Variants in AUTS2 observed in about 807,000 individuals in gnomAD.
The protein encoded by AUTS2 is activator of transcription and developmental regulator AUTS2, also known as autism susceptibility gene 2 protein.
Under a neutral mutation model 112.4 loss-of-function variants are expected in AUTS2, and 17 were observed. The ratio of observed to expected loss-of-function variants is 0.15; its 90% CI spans 0.10 to 0.23. The LOEUF is 0.23. Among genes scored for constraint, AUTS2 ranks in the 10% least tolerant of loss-of-function variants. AUTS2 has a pLI of 1.00. For missense variants in AUTS2, 1,510 were observed against 1,701.6 expected (o/e 0.89, Z 1.98); for synonymous variants, 751 against 702.7 (o/e 1.07, Z -1.09).
intron 5 of AUTS2, among the ~76,000 whole-genome samples, chr7:70,628,329 C>CAT (rs1238208779): frequency 2.1e-4 from 5 of 23,304 alleles, no homozygotes; most frequent in East Asian, 6.5e-4. Flanking sequence ...TATATATATA[C>CAT]ATATATATAT....
chr7:70,279,094 G>A (rs1003287187), intron 4 of AUTS2, among the ~76,000 whole-genome samples: 10 of 151,996 alleles, frequency 6.6e-5, no homozygotes, highest in African/African-American at 2.2e-4. Flanking sequence ...TATACCTTTG[G>A]GTGGGCCTCT....
intron 5 of AUTS2, among the ~76,000 whole-genome samples, chr7:70,669,329 T>C (rs1807515233): frequency 6.6e-6 from 1 of 152,214 alleles, no homozygotes; most frequent in South Asian, 2.1e-4. Flanking sequence ...AACAGAACCC[T>C]GATTTTAATT....
chr7:70,623,523 C>T (rs558070014), intron 5 of AUTS2, among the ~76,000 whole-genome samples: 1 of 152,164 alleles, frequency 6.6e-6, no homozygotes, highest in Non-Finnish European at 1.5e-5. Context: ...ACACACTAGC[C>T]AGTTTCAAGA....
intron 4 of AUTS2, among the ~76,000 whole-genome samples, chr7:70,234,799 T>A (rs1016466389): frequency 2.6e-5 from 4 of 152,114 alleles, no homozygotes; most frequent in African/African-American, 9.7e-5. Flanking sequence ...CTTTACTGCT[T>A]GTCCTGGGAT....
intron 4 of AUTS2, among the ~76,000 whole-genome samples, chr7:70,315,315 A>G (rs749205509): frequency 6.6e-6 from 1 of 152,222 alleles, no homozygotes; most frequent in Non-Finnish European, 1.5e-5. Context: ...AACAGCATGG[A>G]TATGAGGAAC....
intron 5 of AUTS2, among the ~76,000 whole-genome samples, chr7:70,485,200 G>T (rs1797936714): frequency 6.6e-6 from 1 of 152,146 alleles, no homozygotes; most frequent in African/African-American, 2.4e-5. Flanking sequence ...CAGTAGCACA[G>T]TTCACAATTG....
chr7:70,649,672 G>GAT (rs1806386965), intron 5 of AUTS2, among the ~76,000 whole-genome samples: 1 of 152,066 alleles, frequency 6.6e-6, no homozygotes, highest in Non-Finnish European at 1.5e-5. Flanking sequence ...AGGATTACAG[G>GAT]TGCCCACCAC....
At chr7:70,644,989 A>C (rs1806071176) in intron 5 of AUTS2, among the ~76,000 whole-genome samples, 1 of 152,220 alleles carries the variant, frequency 6.6e-6, no homozygotes, top group East Asian at 1.9e-4. Context: ...GAGAAAGGAA[A>C]GGCCATGGCC....
chr7:69,808,144 T>A (rs1296064172), intron 1 of AUTS2, among the ~76,000 whole-genome samples: 1 of 152,126 alleles, frequency 6.6e-6, no homozygotes, highest in African/African-American at 2.4e-5. Flanking sequence ...TTCAGACTCA[T>A]CTTGAACTCC....
At chr7:70,021,491 T>A (rs1201519685) in intron 2 of AUTS2, among the ~76,000 whole-genome samples, 1 of 152,204 alleles carries the variant, frequency 6.6e-6, no homozygotes, top group Non-Finnish European at 1.5e-5. Flanking sequence ...CTATTCCAGA[T>A]GGGGCATCCT....
At chr7:69,902,073 T>G (rs79266633) in intron 2 of AUTS2, among the ~76,000 whole-genome samples, 131 of 150,578 alleles carry the variant, frequency 8.7e-4, no homozygotes, top group African/African-American at 3.1e-3. Flanking sequence ...ATTTTTAATG[T>G]TTTTTTTTCT....
chr7:69,673,469 C>T lies in AUTS2; in HGVS notation c.309+73507C>T, dbSNP rs565525802. 5.5e-4 allele frequency among the ~76,000 whole-genome samples: 83 copies of T among 152,250 alleles called. 1 individual carries two copies. Among genetic ancestry groups the T allele is most frequent in the African/African-American group, 1.9e-3 (79 of 41,544 alleles). On this transcript the variant is annotated intron_variant, in intron 1 of 18. Coordinates refer to ENST00000342771, the MANE Select transcript of AUTS2 (RefSeq NM_015570.4). ...CTGCCATGTATATTTAGGGGCCTAA[C>T]GGAGAGATAGAAACCTGTTAAGGAA... is the stretch of plus-strand genomic sequence containing the variant.
chr7:69,616,129 G>A (rs1793361855), intron 1 of AUTS2, among the ~76,000 whole-genome samples: 1 of 152,296 alleles, frequency 6.6e-6, no homozygotes, highest in Middle Eastern at 3.4e-3. Flanking sequence ...GGCTTCTCAG[G>A]AGTGTTTTTT....
chr7:69,974,974 AT>A (rs932918633), intron 2 of AUTS2, among the ~76,000 whole-genome samples: 4 of 150,990 alleles, frequency 2.6e-5, no homozygotes, highest in East Asian at 1.9e-4. Flanking sequence ...TCTTTTAGCT[AT>A]TTTTTTTTAA....
chr7:70,423,888 C>A (rs1795324599), intron 4 of AUTS2, among the ~76,000 whole-genome samples: 1 of 152,096 alleles, frequency 6.6e-6, no homozygotes, highest in South Asian at 2.1e-4. Context: ...GACTTCCCCT[C>A]TGGCAATAAA....
Position 70,252,871 on chromosome 7 carries a change from T to A in AUTS2, c.660+118300T>A, listed in dbSNP as rs181412605. On this transcript the variant is annotated intron_variant, in intron 4 of 18. Coordinates refer to ENST00000342771, the MANE Select transcript of AUTS2 (RefSeq NM_015570.4). ...TTTTCTCCATTGTGTGCTATTGGCA[T>A]CTTTGTAGAAAATCAGCTAACCAAA... Among the ~76,000 whole-genome samples the A allele has an allele frequency of 2.6e-5, 4 of 152,268 alleles. No homozygotes were observed. In the East Asian group the frequency reaches 7.7e-4, roughly 29 times the overall value.
chr7:70,540,480 G>A (rs1800508681), intron 5 of AUTS2, among the ~76,000 whole-genome samples: 2 of 152,144 alleles, frequency 1.3e-5, no homozygotes, highest in African/African-American at 4.8e-5. Flanking sequence ...TGTGCAGCCC[G>A]GGGGAAGCAC....
At chr7:70,765,280 G>A (rs1188512486) in intron 8 of AUTS2, among the ~76,000 whole-genome samples, 1 of 152,150 alleles carries the variant, frequency 6.6e-6, no homozygotes, top group Non-Finnish European at 1.5e-5. Context: ...TTCAGCCACT[G>A]AGTGGTCAGA....
At chr7:69,875,939 A>G (rs1793715518) in intron 1 of AUTS2, among the ~76,000 whole-genome samples, 1 of 152,120 alleles carries the variant, frequency 6.6e-6, no homozygotes, top group Admixed American at 6.5e-5. Context: ...TTGCTTAGCA[A>G]TTTCTGATTT....
Sources: allele counts gnomAD v4.1 joint callset (sites outside exome capture counted in the v4.1 genomes callset), GRCh38; gene constraint gnomAD v4.1.1; transcripts MANE v1.5; gene names NCBI Gene and HGNC (gene_info 2026-07-23, HGNC 2026-07-21).